Variants in PIBF1 observed in about 807,000 individuals in gnomAD.
PIBF1 encodes progesterone-induced-blocking factor 1.
PIBF1 carries 90 observed loss-of-function variants against 112.5 expected under a neutral mutation model. The ratio of observed to expected loss-of-function variants is 0.80; its 90% CI spans 0.67 to 0.95. The LOEUF is 0.95. PIBF1 is among the 40% of genes least tolerant of loss of function. PIBF1 has a pLI of 0.00. For synonymous variants in PIBF1, 301 were observed against 288.6 expected (o/e 1.04, Z -0.44); for missense variants, 915 against 852.3 (o/e 1.07, Z -0.92).
At chr13:72,860,427 CAT>C (rs983362148) in intron 10 of PIBF1, among the ~76,000 whole-genome samples, 9 of 150,272 alleles carry the variant, frequency 6.0e-5, no homozygotes, top group African/African-American at 2.2e-4. Flanking sequence ...TGTTTAAACT[CAT>C]ATATTTTGGG....
At chr13:72,897,973 T>C (rs1006257713) in intron 11 of PIBF1, among the ~76,000 whole-genome samples, 1 of 152,194 alleles carries the variant, frequency 6.6e-6, no homozygotes, top group Non-Finnish European at 1.5e-5. Flanking sequence ...TTAACAGATG[T>C]AAACAGAACA....
chr13:72,933,413 G>A (rs1167360137), intron 14 of PIBF1, among the ~76,000 whole-genome samples: 1 of 152,242 alleles, frequency 6.6e-6, no homozygotes, highest in Non-Finnish European at 1.5e-5. Flanking sequence ...TGTAATCCCA[G>A]CACTTTGGGA....
intron 12 of PIBF1, among the ~76,000 whole-genome samples, chr13:72,915,047 A>G (rs1334725027): frequency 6.6e-6 from 1 of 152,222 alleles, no homozygotes; most frequent in Non-Finnish European, 1.5e-5. Context: ...TTAAAAATAC[A>G]ATATAACAAC....
At chr13:72,928,094 A>G (rs1294588151) in intron 13 of PIBF1, among the ~76,000 whole-genome samples, 1 of 147,230 alleles carries the variant, frequency 6.8e-6, no homozygotes, top group Non-Finnish European at 1.5e-5. Context: ...ACTGACTTAG[A>G]GGTGAGTTTT....
At chr13:72,902,514 T>G (rs1190225444) in intron 11 of PIBF1, among the ~76,000 whole-genome samples, 7 of 152,030 alleles carry the variant, frequency 4.6e-5, no homozygotes, top group African/African-American at 1.7e-4. Flanking sequence ...TTCCTCAGCT[T>G]TTAAATATTA....
intron 9 of PIBF1, among the ~76,000 whole-genome samples, chr13:72,848,842 A>G (rs944261655): frequency 2.2e-4 from 34 of 152,260 alleles, no homozygotes; most frequent in African/African-American, 7.9e-4. Context: ...AAAAAAAAAA[A>G]AAAAGAACTT....
intron 17 of PIBF1, among the ~76,000 whole-genome samples, chr13:73,006,739 C>A (rs2044043809): frequency 6.6e-6 from 1 of 152,044 alleles, no homozygotes; most frequent in Admixed American, 6.5e-5. Context: ...TTTTAACTAA[C>A]CCTCTCAATG....
intron 9 of PIBF1, among the ~76,000 whole-genome samples, chr13:72,853,757 A>G (rs1403087724): frequency 6.6e-6 from 1 of 152,206 alleles, no homozygotes; most frequent in Non-Finnish European, 1.5e-5. Context: ...ATGAATAATT[A>G]CACCTATCTC....
chr13:72,952,031 T>TTC (rs1258995561), intron 14 of PIBF1, among the ~76,000 whole-genome samples: 2 of 123,212 alleles, frequency 1.6e-5, no homozygotes, highest in African/African-American at 5.9e-5. Context: ...TTCTTTTCTT[T>TTC]TCTCTTTTTT....
At chr13:72,795,966 T>TAC (rs1312497649) in intron 4 of PIBF1, among the ~76,000 whole-genome samples, 1 of 152,176 alleles carries the variant, frequency 6.6e-6, no homozygotes, top group Non-Finnish European at 1.5e-5. Context: ...CAGTGCTGGT[T>TAC]ACACAAATCT....
intron 8 of PIBF1, among the ~76,000 whole-genome samples, chr13:72,833,953 A>C (rs2037236203): frequency 6.6e-6 from 1 of 152,138 alleles, no homozygotes; most frequent in African/African-American, 2.4e-5. Context: ...TTAAAAAGAC[A>C]CTGTGGTTTT....
At chr13:72,964,933 G>C (rs2042700572) in intron 14 of PIBF1, among the ~76,000 whole-genome samples, 1 of 152,032 alleles carries the variant, frequency 6.6e-6, no homozygotes, top group Non-Finnish European at 1.5e-5. Flanking sequence ...ATGGTAGCAG[G>C]CACCTGTAAT....
At chr13:72,931,717 C>CATATATATATATATATATAT (rs1414425546) in intron 14 of PIBF1, among the ~76,000 whole-genome samples, 10 of 24,416 alleles carry the variant, frequency 4.1e-4, no homozygotes, top group Non-Finnish European at 6.0e-4. Flanking sequence ...ATTTAAACTA[C>CATATATATATATATATATAT]GTATATATAT....
At chr13:72,960,867 G>C (rs185121600) in intron 14 of PIBF1, among the ~76,000 whole-genome samples, 7 of 152,108 alleles carry the variant, frequency 4.6e-5, no homozygotes, top group Non-Finnish European at 1.0e-4. Flanking sequence ...CAGTGACATT[G>C]TAATATATTT....
At chr13:72,920,894 G>C (rs923963312) in intron 13 of PIBF1, among the ~76,000 whole-genome samples, 5 of 152,056 alleles carry the variant, frequency 3.3e-5, no homozygotes, top group African/African-American at 1.2e-4. Flanking sequence ...GCAAAATAAA[G>C]TTTTCATTGT....
chr13:72,926,477 G>A (rs2041487137), intron 13 of PIBF1, among the ~76,000 whole-genome samples: 1 of 152,166 alleles, frequency 6.6e-6, no homozygotes, highest in African/African-American at 2.4e-5. Flanking sequence ...TCTAGATTAT[G>A]ATCATAACCT....
chr13:72,936,844 C>T (rs112498588), intron 14 of PIBF1, among the ~76,000 whole-genome samples: 71 of 151,846 alleles, frequency 4.7e-4, no homozygotes, highest in Admixed American at 3.7e-3. Context: ...GTTGACATTA[C>T]GTAAGTTGAA....
rs2042781438 is a variant in PIBF1, at chr13:72,967,776, C to T, written c.1964+2372C>T. 2.6e-5 allele frequency among the ~76,000 whole-genome samples: 4 copies of T among 152,128 alleles called. No homozygotes were observed. The South Asian group carries it at 8.3e-4, about 32-fold the overall frequency. On this transcript the variant is annotated intron_variant, in intron 15 of 17. Coordinates refer to ENST00000326291, the MANE Select transcript of PIBF1 (RefSeq NM_006346.4). ...TTCTATAATAAAATTTTTTAAAAAACAGATTTTAAAAGGAAGTTTTCAAAT... is the reference window on the plus strand; with the variant it reads ...TTCTATAATAAAATTTTTTAAAAAATAGATTTTAAAAGGAAGTTTTCAAAT...
chr13:72,907,359 T>C (rs1045129086), intron 11 of PIBF1, among the ~76,000 whole-genome samples: 3 of 152,170 alleles, frequency 2.0e-5, no homozygotes, highest in Non-Finnish European at 2.9e-5. Context: ...TTGTGAACTT[T>C]ATGTCATTAG....
Sources: allele counts gnomAD v4.1 joint callset (sites outside exome capture counted in the v4.1 genomes callset), GRCh38; gene constraint gnomAD v4.1.1; transcripts MANE v1.5; gene names NCBI Gene and HGNC (gene_info 2026-07-23, HGNC 2026-07-21).